LIMK1: variants seen among roughly 807,000 people sequenced by gnomAD.
The protein encoded by LIMK1 is LIM motif-containing protein kinase.
Under a neutral mutation model 77.6 loss-of-function variants are expected in LIMK1, and 21 were observed. The observed-to-expected ratio is 0.27, with a 90% CI of 0.19 to 0.39. The LOEUF is 0.39. Among genes scored for constraint, LIMK1 ranks in the 10% least tolerant of loss-of-function variants. LIMK1 has a pLI of 1.00. For synonymous variants in LIMK1, 358 were observed against 370.0 expected, an observed-to-expected ratio of 0.97 and a Z score of 0.37; for missense variants, 696 against 901.6, an observed-to-expected ratio of 0.77 and a Z score of 2.92.
At chr7:74,100,464 C>A (rs1266041356) in intron 5 of LIMK1, among the ~76,000 whole-genome samples, 1 of 152,120 alleles carries the variant, frequency 6.6e-6, no homozygotes, top group Non-Finnish European at 1.5e-5. Context: ...ACTCTGTCGC[C>A]CAGTCTGGGG....
intron 2 of LIMK1, among the ~76,000 whole-genome samples, chr7:74,088,895 C>T (rs1420407110): frequency 3.3e-5 from 5 of 151,532 alleles, no homozygotes; most frequent in South Asian, 2.1e-4. Flanking sequence ...CCCAGTGGGC[C>T]GGTGGTGGTA....
At chr7:74,120,821 C>A in intron 14 of LIMK1, 71 bp from the exon 15 acceptor site, 4 of 1,601,318 alleles carry the variant, frequency 2.5e-6, no homozygotes, top group Non-Finnish European at 1.7e-6. Flanking sequence ...TGCCCTCAAA[C>A]CACCTGGATG....
At chr7:74,117,328 T>A (rs1799836453) in intron 13 of LIMK1, among the ~76,000 whole-genome samples, 1 of 152,040 alleles carries the variant, frequency 6.6e-6, no homozygotes, top group Non-Finnish European at 1.5e-5. Context: ...ATCCTTCTGA[T>A]AGGGACCCTT....
At chr7:74,118,365 G>A (rs1261496078) in intron 13 of LIMK1, among the ~76,000 whole-genome samples, 2 of 140,402 alleles carry the variant, frequency 1.4e-5, no homozygotes, top group Non-Finnish European at 3.0e-5. Flanking sequence ...GACAGAGTGG[G>A]ACTCTGTGTC....
intron 10 of LIMK1, chr7:74,110,286 G>A (rs1295806431): frequency 1.3e-5 from 2 of 151,960 alleles, no homozygotes; most frequent in Admixed American, 6.6e-5. Flanking sequence ...AGCACAGGAG[G>A]TCGAGGCTGC....
chr7:74,112,097 TTGC>T, intron 12 of LIMK1, 99 bp downstream of exon 12: 1 of 954,070 alleles, frequency 1.0e-6, no homozygotes, highest in Non-Finnish European at 1.6e-6. Context: ...CCCCTCCATG[TTGC>T]CTCCATGACT....
intron 1 of LIMK1, among the ~76,000 whole-genome samples, chr7:74,085,353 T>C (rs942854453): frequency 2.6e-5 from 4 of 152,178 alleles, no homozygotes; most frequent in Middle Eastern, 3.2e-3. Context: ...AGGGCCCTCT[T>C]AGTACTTCTT....
At position 74,084,007 on chromosome 7, in the gene LIMK1, T is replaced by C; in HGVS notation, c.17T>C (p.Leu6Pro). Residue 6 changes from leucine (L) to proline (P), a missense_variant, in exon 1 of 16, where the codon CTT becomes CCT. Leu to Pro is a moderately conservative substitution (Grantham distance 98). Transcript: ENST00000336180. Reference protein sequence around the residue: MRLTLLCCTWREERMG... With the variant: MRLTLPCCTWREERMG... ...GTCGAGTGCATGAGGTTGACGCTAC[T>C]TTGTTGCACCTGGAGGGAAGAACGT... The C allele has an allele frequency of 6.8e-7, 1 of 1,471,968 alleles. No homozygotes were observed. Among genetic ancestry groups the C allele is most frequent in the Non-Finnish European group, 9.1e-7 (1 of 1,103,290 alleles). 91.2% of individuals were successfully genotyped at this position (1,471,968 alleles called of 1,614,324 possible). A position where few individuals can be genotyped will look rare whatever the true frequency, so the allele number is the denominator to read the frequency against.
In LIMK1 at chr7:74,120,972, C is replaced by A. The variant is rs1284913943; in HGVS notation, c.1704C>A (p.Asp568Glu). ...GCCTCAACGTGCGAGGATTCCTGGA[C>A]CGCTACTGCCCCCCAAACTGCCCCC... Reference protein sequence around the residue: ...DFGLNVRGFLDRYCPPNCPPS... With the variant: ...DFGLNVRGFLERYCPPNCPPS... The change falls in exon 15 of 16, where the codon GAC (aspartate) becomes GAA (glutamate). Residue 568 changes from aspartate to glutamate, a missense_variant. This residue lies in a region of LIMK1 where 438 missense variants were observed against 602.3 expected (regional missense o/e 0.73). Transcript: ENST00000336180. 3.7e-6 allele frequency: 6 copies of A among 1,613,654 alleles called. No homozygotes were observed. Among genetic ancestry groups the A allele is most frequent in the African/African-American group, 1.3e-5 (1 of 74,904 alleles).
chr7:74,084,044 A>C lies in LIMK1; in HGVS notation c.54A>C (p.Glu18Asp). The C allele has an allele frequency of 6.7e-7, 1 of 1,486,502 alleles. No individual in the cohort carries two copies. The highest frequency in any genetic ancestry group is 9.0e-7 in the Non-Finnish European group (1 of 1,110,634). 92.1% of individuals were successfully genotyped at this position (1,486,502 alleles called of 1,614,324 possible). The change falls in exon 1 of 16, where the codon GAA (glutamate) becomes GAC (aspartate). Residue 18 changes from glutamate (E) to aspartate (D), a missense_variant and splice_region_variant. Physicochemically the swap from Glu to Asp is conservative, Grantham distance 45 (BLOSUM62 2). Transcript: ENST00000336180. Reference sequence around the variant, plus strand: ...GGAGGGAAGAACGTATGGGAGAGGAAGGTGCGCGGGCCGCGGGGTGTGGGG... The same window carrying C: ...GGAGGGAAGAACGTATGGGAGAGGACGGTGCGCGGGCCGCGGGGTGTGGGG... ...CTWREERMGE[E>D]GSELPVCASC...
At chr7:74,085,916 TGGG>T in intron 2 of LIMK1, 72 bp downstream of exon 2, 1 of 1,204,500 alleles carries the variant, frequency 8.3e-7, no homozygotes, top group East Asian at 2.6e-5. Context: ...GGTCAAGGAA[TGGG>T]GGAGGCCGGG....
chr7:74,095,452 G>C (rs1799319982), intron 2 of LIMK1, among the ~76,000 whole-genome samples: 1 of 152,146 alleles, frequency 6.6e-6, no homozygotes, highest in Non-Finnish European at 1.5e-5. Context: ...GTGTCACCCA[G>C]CTGGAGTGCA....
In LIMK1 at chr7:74,099,178, AC is replaced by A; in HGVS notation, c.554del (p.Pro185ArgfsTer25). On this transcript the variant is annotated frameshift_variant, in exon 5 of 16. Coordinates refer to ENST00000336180, the MANE Select transcript of LIMK1 (RefSeq NM_002314.4). LOFTEE classifies it high-confidence loss of function. ...HGKRGLSVSI[D>X]PPHGPPGCGT... is the part of the protein sequence containing the mutation. ...AAGCGTGGACTTTCAGTCTCCATTG[AC>A]CCCCCGCACGGCCCACCGGGCTGTG... The A allele has an allele frequency of 1.9e-6, 3 of 1,610,782 alleles. No homozygotes were observed. The highest frequency in any genetic ancestry group is 8.5e-7 in the Non-Finnish European group (1 of 1,179,724).
intron 2 of LIMK1, among the ~76,000 whole-genome samples, chr7:74,094,996 G>A (rs2237503): frequency 6.6e-6 from 1 of 151,948 alleles, no homozygotes; most frequent in Non-Finnish European, 1.5e-5. Flanking sequence ...CAAAGGGGAA[G>A]TGGCTGGATC....
At position 74,121,084 on chromosome 7, in the gene LIMK1, G is replaced by A. The variant is rs200709025; in HGVS notation, c.1781+35G>A. ...GTGGGGCCCTGGCCTGGGAGACGGTGGGGCCGATTCCCGGGACAGCCAGAC... is the reference window on the plus strand; with the variant it reads ...GTGGGGCCCTGGCCTGGGAGACGGTAGGGCCGATTCCCGGGACAGCCAGAC... On this transcript the variant is annotated intron_variant, in intron 15 of 15. Transcript: ENST00000336180. 65 of 1,597,338 alleles carry A rather than the reference G, an allele frequency of 4.1e-5. 2 individuals are homozygous for A. In the African/African-American group the frequency reaches 8.2e-4, roughly 20 times the overall value.
In LIMK1 at chr7:74,094,593, G is replaced by T. The variant is rs141109101; in HGVS notation, c.153-2029G>T. Reference sequence around the variant, plus strand: ...GAAGCGAGTCATTGGTCTGCACCAGGCGTGGGGGCTTCTGCGAGGGCAGGA... The same window carrying T: ...GAAGCGAGTCATTGGTCTGCACCAGTCGTGGGGGCTTCTGCGAGGGCAGGA... On this transcript the variant is annotated intron_variant, in intron 2 of 15. Transcript: ENST00000336180. Among the ~76,000 whole-genome samples, 1,155 of 152,326 alleles carry T rather than the reference G, an allele frequency of 7.6e-3. 19 individuals carry two copies. The highest frequency in any genetic ancestry group is 0.025 in the South Asian group (120 of 4,832).
Position 74,111,628 on chromosome 7 carries a change from C to G in LIMK1, c.1285-20C>G, listed in dbSNP as rs782078498. The G allele has an allele frequency of 2.5e-6, 4 of 1,608,346 alleles. No individual in the cohort carries two copies. The African/African-American group carries it at 5.3e-5, about 22-fold the overall frequency. ...GGGGCCCCCACCGGCCCCACCCTGG[C>G]CATTCTTTCTCCATCCCAGGACAGC... On this transcript the variant is annotated intron_variant, in intron 10 of 15. Transcript: ENST00000336180.
At chr7:74,094,949 C>T (rs1799310931) in intron 2 of LIMK1, among the ~76,000 whole-genome samples, 3 of 152,174 alleles carry the variant, frequency 2.0e-5, no homozygotes, top group Admixed American at 2.0e-4. Context: ...ATTTTCTGCT[C>T]CCCCTTTACT....
chr7:74,093,713 C>G (rs781920716), intron 2 of LIMK1, among the ~76,000 whole-genome samples: 7 of 152,186 alleles, frequency 4.6e-5, no homozygotes, highest in Non-Finnish European at 8.8e-5. Context: ...GAGGGGTACC[C>G]TGGAGTGGGG....
Sources: gnomAD v4.1 joint callset for allele counts (sites outside exome capture counted in the v4.1 genomes callset) on GRCh38, gnomAD v4.1.1 for gene constraint, gnomAD v4.1.1 regional missense constraint, MANE v1.5 for transcripts, NCBI Gene and HGNC (gene_info 2026-07-23, HGNC 2026-07-21) for gene names.